PDHX: variants seen among roughly 807,000 people sequenced by gnomAD.
The protein encoded by PDHX is pyruvate dehydrogenase protein X component, mitochondrial.
Under a neutral mutation model 55.3 loss-of-function variants are expected in PDHX, and 33 were observed. That is an observed-to-expected ratio of 0.60 (90% CI 0.45 to 0.80). The LOEUF (loss-of-function observed/expected upper bound fraction) is 0.80. Among genes scored for constraint, PDHX ranks in the 30% least tolerant of loss-of-function variants. The pLI is 0.00. For missense variants in PDHX, 622 were observed against 619.9 expected, an observed-to-expected ratio of 1.00 and a Z score of -0.04; for synonymous variants, 226 against 219.4, an observed-to-expected ratio of 1.03 and a Z score of -0.27.
chr11:34,993,785 T>C (rs1024141231), intron 10 of PDHX, among the ~76,000 whole-genome samples: 1 of 152,176 alleles, frequency 6.6e-6, no homozygotes, highest in African/African-American at 2.4e-5. Flanking sequence ...ACACACCCCT[T>C]GCTGGTTTCT....
chr11:34,980,352 C>CTTTTTTTTTT (rs57927359), intron 8 of PDHX, among the ~76,000 whole-genome samples: 1,082 of 74,678 alleles, frequency 0.014, 219 homozygotes, highest in African/African-American at 0.052. Context: ...AAGATAGTTT[C>CTTTTTTTTTT]TTTTTTTTTT....
At chr11:34,992,740 A>G (rs1406196809) in intron 10 of PDHX, among the ~76,000 whole-genome samples, 3 of 152,298 alleles carry the variant, frequency 2.0e-5, no homozygotes, top group Admixed American at 1.3e-4. Flanking sequence ...TTGTATAAAT[A>G]TACCAGAATT....
chr11:34,962,683 A>T (rs1416049085), intron 5 of PDHX, among the ~76,000 whole-genome samples: 3 of 152,192 alleles, frequency 2.0e-5, no homozygotes, highest in Admixed American at 6.5e-5. Context: ...AAATGTGGGA[A>T]AAGTCAAGGA....
intron 1 of PDHX, among the ~76,000 whole-genome samples, chr11:34,918,444 A>G (rs867022003): frequency 0.047 from 1,605 of 33,986 alleles, 28 homozygotes; most frequent in African/African-American, 0.24. Flanking sequence ...CTCAGGAGAA[A>G]AAAAAAAAAA....
chr11:34,933,869 A>G (rs1187199531), intron 2 of PDHX, among the ~76,000 whole-genome samples: 1 of 152,148 alleles, frequency 6.6e-6, no homozygotes, highest in Non-Finnish European at 1.5e-5. Context: ...TAATATATTT[A>G]ATATATTTCA....
intron 3 of PDHX, among the ~76,000 whole-genome samples, chr11:34,954,049 A>G (rs1854845949): frequency 6.6e-6 from 1 of 152,222 alleles, no homozygotes; most frequent in Non-Finnish European, 1.5e-5. Context: ...TAAACAGTAT[A>G]CATTGAAGAA....
intron 8 of PDHX, among the ~76,000 whole-genome samples, 172 bp from the exon 9 acceptor site, chr11:34,984,396 AAC>A (rs1423574431): frequency 1.3e-5 from 2 of 152,220 alleles, no homozygotes; most frequent in African/African-American, 4.8e-5. Context: ...ATTCTTGGCA[AAC>A]ATAAAAGATA....
chr11:34,922,881 TG>T (rs1853923205), intron 1 of PDHX, among the ~76,000 whole-genome samples: 1 of 97,988 alleles, frequency 1.0e-5, no homozygotes, highest in Non-Finnish European at 2.7e-5. Flanking sequence ...TGTGTGTGTG[TG>T]TGTGTGTGTG....
intron 3 of PDHX, among the ~76,000 whole-genome samples, chr11:34,949,602 T>C (rs1854706831): frequency 6.6e-6 from 1 of 152,240 alleles, no homozygotes; most frequent in Admixed American, 6.5e-5. Context: ...GTTCATCAGC[T>C]TATTCTTAAA....
At chr11:34,946,927 G>C (rs1854633881) in intron 2 of PDHX, among the ~76,000 whole-genome samples, 5 of 152,148 alleles carry the variant, frequency 3.3e-5, no homozygotes, top group Admixed American at 3.3e-4. Context: ...TGGAACTTCA[G>C]GTCTTCCTCC....
intron 4 of PDHX, among the ~76,000 whole-genome samples, chr11:34,959,013 G>T (rs1053243517): frequency 7.2e-5 from 11 of 151,992 alleles, no homozygotes; most frequent in Admixed American, 5.9e-4. Flanking sequence ...TCCCTGAAAT[G>T]CAGCAAGTTC....
At chr11:34,951,952 G>A (rs566473013) in intron 3 of PDHX, among the ~76,000 whole-genome samples, 35 of 152,110 alleles carry the variant, frequency 2.3e-4, no homozygotes, top group African/African-American at 7.5e-4. Flanking sequence ...TATTAAATAG[G>A]GAATCCTTTC....
At chr11:34,969,545 T>C (rs1424496295) in intron 6 of PDHX, among the ~76,000 whole-genome samples, 1 of 152,108 alleles carries the variant, frequency 6.6e-6, no homozygotes, top group Non-Finnish European at 1.5e-5. Context: ...GGTTTCACCA[T>C]GTTGGCCAAG....
chr11:34,945,134 G>A (rs1353671929), intron 2 of PDHX, among the ~76,000 whole-genome samples: 2 of 151,906 alleles, frequency 1.3e-5, no homozygotes, highest in African/African-American at 4.8e-5. Flanking sequence ...AAAGTAATTG[G>A]GGTTTTTGAA....
intron 1 of PDHX, among the ~76,000 whole-genome samples, chr11:34,930,125 C>T (rs760184401): frequency 9.9e-5 from 15 of 152,140 alleles, no homozygotes; most frequent in South Asian, 2.1e-4. Flanking sequence ...AAGGCAGCGC[C>T]GTGTGTGTCT....
intron 8 of PDHX, among the ~76,000 whole-genome samples, chr11:34,981,149 C>T (rs1415324741): frequency 1.3e-5 from 2 of 152,052 alleles, no homozygotes; most frequent in Non-Finnish European, 2.9e-5. Context: ...TCCTTCCCCC[C>T]TCCCCCAACC....
chr11:34,928,025 T>C (rs940572453), intron 1 of PDHX, among the ~76,000 whole-genome samples: 1 of 152,132 alleles, frequency 6.6e-6, no homozygotes, highest in Non-Finnish European at 1.5e-5. Flanking sequence ...ACTTGAAAGA[T>C]AATAATAAAT....
intron 1 of PDHX, among the ~76,000 whole-genome samples, chr11:34,928,983 T>C (rs1362877209): frequency 6.6e-6 from 1 of 152,244 alleles, no homozygotes; most frequent in Non-Finnish European, 1.5e-5. Flanking sequence ...CTTCTAGTTA[T>C]AATTTAGCAT....
At chr11:34,968,837 A>C (rs992339297) in intron 6 of PDHX, among the ~76,000 whole-genome samples, 2 of 152,038 alleles carry the variant, frequency 1.3e-5, no homozygotes, top group Non-Finnish European at 2.9e-5. Flanking sequence ...TTTGAGACAC[A>C]CTTCATTTTA....
Sources: allele counts gnomAD v4.1 joint callset (sites outside exome capture counted in the v4.1 genomes callset), GRCh38; gene constraint gnomAD v4.1.1; transcripts MANE v1.5; gene names NCBI Gene and HGNC (gene_info 2026-07-23, HGNC 2026-07-21).